The following STPG2 variants were observed in gnomAD, a reference collection of about 807,000 sequenced individuals.
The protein encoded by STPG2 is sperm tail PG-rich repeat containing 2.
Under a neutral mutation model 54.2 loss-of-function variants are expected in STPG2, and 56 were observed. The observed-to-expected ratio is 1.03, with a 90% CI of 0.83 to 1.29. The LOEUF is 1.29. Ranked by LOEUF, STPG2 falls within the 50% of genes most tolerant of loss-of-function variation. STPG2 has a pLI of 0.00. For synonymous variants in STPG2, 200 were observed against 181.8 expected, an observed-to-expected ratio of 1.10 and a Z score of -0.81; for missense variants, 596 against 544.9, an observed-to-expected ratio of 1.09 and a Z score of -0.93.
intron 8 of STPG2, among the ~76,000 whole-genome samples, chr4:97,908,623 C>G (rs1358274838): frequency 1.3e-5 from 2 of 151,750 alleles, no homozygotes; most frequent in Non-Finnish European, 1.5e-5. Context: ...CCCAAATGTC[C>G]AACAATGATA....
At chr4:97,549,376 C>G (rs986384970) in intron 4 of STPG2, among the ~76,000 whole-genome samples, 13 of 152,100 alleles carry the variant, frequency 8.5e-5, no homozygotes, top group African/African-American at 1.7e-4. Context: ...ATATCTAAGT[C>G]TTTCACTTTC....
chr4:98,050,375 C>A (rs1270473523), intron 5 of STPG2, among the ~76,000 whole-genome samples: 1 of 152,088 alleles, frequency 6.6e-6, no homozygotes, highest in Non-Finnish European at 1.5e-5. Flanking sequence ...GTGATGGGCA[C>A]ATGAGGATTC....
chr4:98,113,675 T>A (rs1219842542), intron 3 of STPG2, among the ~76,000 whole-genome samples: 1 of 152,038 alleles, frequency 6.6e-6, no homozygotes, highest in Admixed American at 6.6e-5. Flanking sequence ...ATATTATTAT[T>A]CTTAATAGCA....
intron 10 of STPG2, among the ~76,000 whole-genome samples, chr4:97,660,110 C>A (rs1722333508): frequency 6.6e-6 from 1 of 151,788 alleles, no homozygotes; most frequent in Non-Finnish European, 1.5e-5. Context: ...TCACACCATT[C>A]TCCTGCCTCA....
At chr4:97,906,092 G>A (rs532651897) in intron 8 of STPG2, among the ~76,000 whole-genome samples, 1 of 151,776 alleles carries the variant, frequency 6.6e-6, no homozygotes. Flanking sequence ...TTTTTTGAAA[G>A]GATCAACAAA....
rs1578444762 is a variant in STPG2 at position 97,638,084 on chromosome 4, C to T, written c.1320+74615G>A. On this transcript the variant is annotated intron_variant, in intron 10 of 10. Transcript: ENST00000295268. ...AAGCTGAAGCCATCACACTACCTGA[C>T]TTCAAACTATACTACAAGGCTACAG... 8.5e-5 allele frequency among the ~76,000 whole-genome samples: 13 copies of T among 152,314 alleles called. No individual in the cohort carries two copies. The South Asian group carries it at 2.3e-3, about 27-fold the overall frequency.
chr4:97,899,265 G>A, intron 8 of STPG2, among the ~76,000 whole-genome samples: 1 of 151,822 alleles, frequency 6.6e-6, no homozygotes, highest in East Asian at 1.9e-4. Flanking sequence ...CAACTAACCA[G>A]AGAGGTGAAA....
At chr4:98,058,689 G>A (rs1737553879) in intron 5 of STPG2, among the ~76,000 whole-genome samples, 1 of 152,038 alleles carries the variant, frequency 6.6e-6, no homozygotes, top group Admixed American at 6.6e-5. Flanking sequence ...TTCAGGACCT[G>A]AACTCAACAT....
chr4:98,034,940 A>G (rs1469163254), intron 5 of STPG2, among the ~76,000 whole-genome samples: 1 of 152,168 alleles, frequency 6.6e-6, no homozygotes, highest in Non-Finnish European at 1.5e-5. Context: ...CTTATACAAA[A>G]ATTAACTCAA....
At chr4:98,097,644 A>G (rs1738899220) in intron 5 of STPG2, among the ~76,000 whole-genome samples, 1 of 152,182 alleles carries the variant, frequency 6.6e-6, no homozygotes, top group African/African-American at 2.4e-5. Context: ...AGACAAGAGA[A>G]AGAAATAAAA....
chr4:97,503,926 T>G (rs1236581278), intron 4 of STPG2, among the ~76,000 whole-genome samples: 1 of 103,776 alleles, frequency 9.6e-6, no homozygotes, highest in Non-Finnish European at 1.8e-5. Flanking sequence ...AAAAATATAT[T>G]TAAATATTTT....
chr4:98,122,684 G>T (rs973967678), intron 3 of STPG2, among the ~76,000 whole-genome samples: 1 of 151,756 alleles, frequency 6.6e-6, no homozygotes, highest in Non-Finnish European at 1.5e-5. Flanking sequence ...TCAGGATGAT[G>T]CTGGCCTCAG....
At chr4:97,697,676 A>G (rs1206271707) in intron 10 of STPG2, among the ~76,000 whole-genome samples, 1 of 152,138 alleles carries the variant, frequency 6.6e-6, no homozygotes, top group African/African-American at 2.4e-5. Context: ...CATAAACAAA[A>G]TCCCTGCAGC....
Position 97,956,000 on chromosome 4 carries a change from C to T in STPG2, c.934-11993G>A, listed in dbSNP as rs182264896. Among the ~76,000 whole-genome samples, 11 of 152,014 alleles carry T rather than the reference C, an allele frequency of 7.2e-5. No individual in the cohort carries two copies. In the South Asian group the frequency reaches 8.3e-4, roughly 11 times the overall value. On this transcript the variant is annotated intron_variant, in intron 7 of 10. Coordinates refer to ENST00000295268, the MANE Select transcript of STPG2 (RefSeq NM_174952.3). Reference sequence around the variant, plus strand: ...GGAAGTTTTTCAGACAGAAGAAAAACGATTCCATTTTTCATAAAAATGCAA... The same window carrying T: ...GGAAGTTTTTCAGACAGAAGAAAAATGATTCCATTTTTCATAAAAATGCAA...
intron 10 of STPG2, among the ~76,000 whole-genome samples, chr4:97,661,941 T>C (rs1483911697): frequency 1.3e-5 from 2 of 152,162 alleles, no homozygotes; most frequent in Non-Finnish European, 2.9e-5. Flanking sequence ...TTGAACAATA[T>C]TGGAGTATAG....
At chr4:98,015,651 A>T (rs1425843252) in intron 5 of STPG2, among the ~76,000 whole-genome samples, 1 of 152,186 alleles carries the variant, frequency 6.6e-6, no homozygotes, top group Non-Finnish European at 1.5e-5. Context: ...CAGTGTGGCA[A>T]TTCCTCAAAG....
chr4:97,737,399 G>A (rs560314289), intron 9 of STPG2, among the ~76,000 whole-genome samples: 35 of 152,238 alleles, frequency 2.3e-4, no homozygotes, highest in Admixed American at 2.0e-3. Context: ...GGCTTCAGCC[G>A]ATAAAACTAC....
At chr4:98,078,058 C>T (rs1738229283) in intron 5 of STPG2, among the ~76,000 whole-genome samples, 1 of 152,032 alleles carries the variant, frequency 6.6e-6, no homozygotes, top group South Asian at 2.1e-4. Flanking sequence ...GTTTGTTTCT[C>T]TCCAACTGTA....
chr4:97,601,310 A>G (rs1020666715), intron 10 of STPG2, among the ~76,000 whole-genome samples: 8 of 152,062 alleles, frequency 5.3e-5, no homozygotes, highest in African/African-American at 1.7e-4. Flanking sequence ...TCTAAAGCTT[A>G]TATTAGATAT....
Sources: allele counts gnomAD v4.1 joint callset (sites outside exome capture counted in the v4.1 genomes callset), GRCh38; gene constraint gnomAD v4.1.1; transcripts MANE v1.5; gene names NCBI Gene and HGNC (gene_info 2026-07-23, HGNC 2026-07-21).